BPIFB6: variants seen among roughly 807,000 people sequenced by gnomAD.
The protein encoded by BPIFB6 is BPI fold containing family B member 6, also known as BPI fold-containing family B member 6.
A neutral mutation model predicts 54.7 loss-of-function variants in BPIFB6; 47 were observed. The ratio of observed to expected loss-of-function variants is 0.86; its 90% confidence interval spans 0.68 to 1.10. The LOEUF (loss-of-function observed/expected upper bound fraction) is 1.10. BPIFB6 is among the 50% of genes least tolerant of loss of function. The pLI is 0.00. For missense variants in BPIFB6, 603 were observed against 564.1 expected, an observed-to-expected ratio of 1.07 and a Z score of -0.70; for synonymous variants, 255 against 225.9, an observed-to-expected ratio of 1.13 and a Z score of -1.16.
In BPIFB6 at chr20:33,031,670, C is replaced by T; in HGVS notation, c.23C>T (p.Ala8Val). Reference protein sequence around the residue: MLRILCLALCSLLTGTRA... With the variant: MLRILCLVLCSLLTGTRA... ...GCCATGCTGCGGATCCTGTGCCTGGCACTCTGCAGCCTGCTGACTGGCACG... is the reference window on the plus strand; with the variant it reads ...GCCATGCTGCGGATCCTGTGCCTGGTACTCTGCAGCCTGCTGACTGGCACG... The change falls in exon 1 of 15, where the codon GCA becomes GTA. Residue 8 changes from alanine to valine, a missense_variant. Coordinates refer to ENST00000349552, the MANE Select transcript of BPIFB6 (RefSeq NM_174897.2). 6.2e-7 allele frequency: 1 copy of T among 1,614,010 alleles called. No individual in the cohort carries two copies. The highest frequency in any genetic ancestry group is 8.5e-7 in the Non-Finnish European group (1 of 1,179,978).
chr20:33,039,074 C>T lies in BPIFB6; in HGVS notation c.900+112C>T, dbSNP rs1037032691. On this transcript the variant is annotated intron_variant, in intron 9 of 14. Coordinates refer to ENST00000349552, the MANE Select transcript of BPIFB6 (RefSeq NM_174897.2). ...CTTTTCATGCCACATATTCCTTGTC[C>T]AATGCTGAAACATCTTTTCTTCTTT... 4 of 1,257,244 alleles carry T rather than the reference C, an allele frequency of 3.2e-6. No homozygotes were observed. The African/African-American group carries it at 6.0e-5, about 19-fold the overall frequency. The allele number at this position is 1,257,244 out of a possible 1,614,324, so 77.9% of individuals were successfully genotyped here.
intron 9 of BPIFB6, 101 bp from the exon 10 acceptor site, chr20:33,039,246 T>A: frequency 8.2e-7 from 1 of 1,222,888 alleles, no homozygotes; most frequent in Non-Finnish European, 1.1e-6. Flanking sequence ...GTACTTCCTG[T>A]GTCCAACGTA....
Position 33,039,452 on chromosome 20 carries a change from A to G in BPIFB6, c.1006A>G (p.Ser336Gly), listed in dbSNP as rs2146367187. The part of the protein sequence containing the change: ...KTGKSLLHLH[S>G]TLEMFAARWR... ...AGGCAAGAGCCTGCTGCACCTCCAC[A>G]GCACCCTGGAGATGTTCGCAGCTCG... The change falls in exon 10 of 15, where the codon AGC (serine) becomes GGC (glycine). Residue 336 changes from serine to glycine, a missense_variant. Transcript: ENST00000349552. 6.2e-7 allele frequency: 1 copy of G among 1,614,200 alleles called. No individual in the cohort carries two copies. The highest frequency in any genetic ancestry group is 8.5e-7 in the Non-Finnish European group (1 of 1,180,022).
intron 11 of BPIFB6, among the ~76,000 whole-genome samples, chr20:33,040,823 A>T (rs549724083): frequency 6.6e-6 from 1 of 152,188 alleles, no homozygotes; most frequent in African/African-American, 2.4e-5. Flanking sequence ...TTAGCTTAAC[A>T]TTCGGTCCCT....
intron 11 of BPIFB6, among the ~76,000 whole-genome samples, 198 bp from the exon 12 acceptor site, chr20:33,041,772 T>C (rs1008142730): frequency 2.6e-5 from 4 of 152,150 alleles, no homozygotes; most frequent in African/African-American, 4.8e-5. Context: ...AATCATGTGC[T>C]GTAACGAAAG....
At chr20:33,042,064 G>A in intron 12 of BPIFB6, 49 bp downstream of exon 12, 2 of 1,574,852 alleles carry the variant, frequency 1.3e-6, no homozygotes, top group East Asian at 2.2e-5. Flanking sequence ...ACAAGACTGG[G>A]CCTATTCTCC....
downstream of BPIFB6, chr20:33,044,096 C>T (rs753772407): frequency 1.2e-6 from 2 of 1,610,566 alleles, no homozygotes; most frequent in Admixed American, 1.7e-5. Context: ...CAACCACCTG[C>T]ACCCCATGGA....
rs569895980 is a variant in BPIFB6 at position 33,035,937 on chromosome 20, G to A, written c.577+265G>A. ...CAAAGACAGCAGCCCTTCTTTGCTCGTCCACAAGCCTCGTGCCTATGTAGT... is the reference window on the plus strand; with the variant it reads ...CAAAGACAGCAGCCCTTCTTTGCTCATCCACAAGCCTCGTGCCTATGTAGT... On this transcript the variant is annotated intron_variant, in intron 6 of 14. Coordinates refer to ENST00000349552, the MANE Select transcript of BPIFB6 (RefSeq NM_174897.2). Among the ~76,000 whole-genome samples the A allele has an allele frequency of 5.3e-5, 8 of 152,196 alleles. No individual in the cohort carries two copies. The South Asian group carries it at 6.2e-4, about 12-fold the overall frequency.
chr20:33,034,555 A>G (rs550541681), intron 3 of BPIFB6, among the ~76,000 whole-genome samples: 3 of 152,310 alleles, frequency 2.0e-5, no homozygotes, highest in African/African-American at 7.2e-5. Context: ...CAGATTTTAA[A>G]GGGTGTGTAG....
At position 33,035,126 on chromosome 20, in the gene BPIFB6, C is replaced by G. The variant is rs745961142; in HGVS notation, c.498C>G (p.His166Gln). The G allele has an allele frequency of 7.4e-6, 12 of 1,613,820 alleles. No individual in the cohort carries two copies. The highest frequency in any genetic ancestry group is 9.3e-6 in the Non-Finnish European group (11 of 1,180,038). Residue 166 changes from histidine to glutamine, a missense_variant, in exon 5 of 15, where the codon CAC becomes CAG. Transcript: ENST00000349552. Reference sequence around the variant, plus strand: ...ACAAGTTCCTGGACAGCACCCTGCACAAAGTCCTCCCTGGGCTGGTGAGTG... The same window carrying G: ...ACAAGTTCCTGGACAGCACCCTGCAGAAAGTCCTCCCTGGGCTGGTGAGTG... The part of the protein sequence containing the change: ...MVNKFLDSTL[H>Q]KVLPGLMCPA...
intron 2 of BPIFB6, 112 bp from the exon 3 acceptor site, chr20:33,034,074 G>C (rs1979218435): frequency 1.3e-6 from 1 of 772,728 alleles, no homozygotes; most frequent in Non-Finnish European, 2.4e-6. Context: ...CCATGACATG[G>C]GATAGGAGGC....
Position 33,035,112 on chromosome 20 carries a change from G to T in BPIFB6, c.484G>T (p.Asp162Tyr). Reference sequence around the variant, plus strand: ...CCCCAAGATGGTCAACAAGTTCCTGGACAGCACCCTGCACAAAGTCCTCCC... The same window carrying T: ...CCCCAAGATGGTCAACAAGTTCCTGTACAGCACCCTGCACAAAGTCCTCCC... ...MLPKMVNKFL[D>Y]STLHKVLPGL... The change falls in exon 5 of 15, where the codon GAC becomes TAC. Residue 162 changes from aspartate to tyrosine, a missense_variant. Asp to Tyr is a radical substitution (Grantham distance 160). Transcript: ENST00000349552. The T allele has an allele frequency of 6.2e-7, 1 of 1,613,804 alleles. No individual in the cohort carries two copies. Among genetic ancestry groups the T allele is most frequent in the Non-Finnish European group, 8.5e-7 (1 of 1,179,984 alleles).
rs1021599352 is a variant in BPIFB6, at chr20:33,037,027, A to G, written c.669+491A>G. On this transcript the variant is annotated intron_variant, in intron 7 of 14. Coordinates refer to ENST00000349552, the MANE Select transcript of BPIFB6 (RefSeq NM_174897.2). ...TGTATCCTGCCATTTTGCGGATGGG[A>G]ACATTGAGACCTTGGGGGAGGGTAG... is the stretch of plus-strand genomic sequence containing the variant. Among the ~76,000 whole-genome samples the G allele has an allele frequency of 2.0e-5, 3 of 152,020 alleles. No individual in the cohort carries two copies. In the South Asian group the frequency reaches 6.2e-4, roughly 32 times the overall value.
intron 6 of BPIFB6, among the ~76,000 whole-genome samples, chr20:33,036,084 GA>G (rs1464261134): frequency 6.6e-6 from 1 of 152,164 alleles, no homozygotes; most frequent in Non-Finnish European, 1.5e-5. Flanking sequence ...TGGAACTGAA[GA>G]AAACTCATTC....
In BPIFB6 at chr20:33,039,967, A is replaced by G. The variant is rs547935506; in HGVS notation, c.1075-284A>G. 5.3e-5 allele frequency among the ~76,000 whole-genome samples: 8 copies of G among 152,308 alleles called. No individual in the cohort carries two copies. The East Asian group carries it at 1.5e-3, about 29-fold the overall frequency. On this transcript the variant is annotated intron_variant, in intron 10 of 14. Coordinates refer to ENST00000349552, the MANE Select transcript of BPIFB6 (RefSeq NM_174897.2). ...GGACACCCCAGGCAGAGGTTCCAGC[A>G]TGTGCAAAGGCCTGGATCAATAGTA... is the stretch of plus-strand genomic sequence containing the variant.
At chr20:33,032,208 A>G (rs1015493602) in intron 1 of BPIFB6, among the ~76,000 whole-genome samples, 9 of 152,062 alleles carry the variant, frequency 5.9e-5, no homozygotes, top group African/African-American at 1.9e-4. Context: ...CTTGGAGGAG[A>G]CCTTAGTAAA....
chr20:33,033,027 G>A lies in BPIFB6; in HGVS notation c.141G>A (p.Met47Ile). The A allele has an allele frequency of 6.2e-7, 1 of 1,614,086 alleles. No individual in the cohort carries two copies. Among genetic ancestry groups the A allele is most frequent in the Non-Finnish European group, 8.5e-7 (1 of 1,179,958 alleles). The change falls in exon 2 of 15, where the codon ATG becomes ATA. Residue 47 changes from methionine to isoleucine, a missense_variant. Transcript: ENST00000349552. The part of the protein sequence containing the change: ...AMDESHILEK[M>I]AAEAGKKQPG... ...ATGAGAGTCATATCCTGGAGAAGAT[G>A]GCAGCCGAGGCAGGCAAGAAACAGC...
intron 4 of BPIFB6, 45 bp downstream of exon 4, chr20:33,034,957 A>G (rs369373089): frequency 2.1e-5 from 33 of 1,605,674 alleles, no homozygotes; most frequent in Non-Finnish European, 2.8e-5. Flanking sequence ...CCATATTGCT[A>G]TACCCCCCAG....
rs145078530 is a variant in BPIFB6 at position 33,032,429 on chromosome 20, A to G, written c.98-555A>G. Among the ~76,000 whole-genome samples the G allele has an allele frequency of 9.1e-4, 139 of 152,274 alleles. No homozygotes were observed. In the East Asian group the frequency reaches 0.025, roughly 27 times the overall value. ...ATCAGAATTTCTCTGCTTCAGGCCC[A>G]AAGTCTGCATTCAAGTCCCCAGAGG... On this transcript the variant is annotated intron_variant, in intron 1 of 14. Transcript: ENST00000349552.
Sources: allele counts gnomAD v4.1 joint callset (sites outside exome capture counted in the v4.1 genomes callset), GRCh38; gene constraint gnomAD v4.1.1; transcripts MANE v1.5; gene names NCBI Gene and HGNC (gene_info 2026-07-23, HGNC 2026-07-21).